PLCH2: variants seen among roughly 807,000 people sequenced by gnomAD.
The protein encoded by PLCH2 is phospholipase C eta 2.
PLCH2 carries 98 observed loss-of-function variants against 134.7 expected under a neutral mutation model. The ratio of observed to expected loss-of-function variants is 0.73; its 90% confidence interval spans 0.62 to 0.86. The LOEUF (loss-of-function observed/expected upper bound fraction) is 0.86, where lower values mean the gene tolerates loss of function less well. Ranked by LOEUF, PLCH2 falls within the 40% of genes least tolerant of loss-of-function variation. The probability of loss-of-function intolerance (pLI) is 0.00; values close to 1 mark genes in which losing one functional copy is unlikely to be tolerated. For missense variants in PLCH2, 1,994 were observed against 1,986.6 expected (o/e 1.00, Z -0.07); for synonymous variants, 974 against 827.5 (o/e 1.18, Z -3.04).
intron 4 of PLCH2, among the ~76,000 whole-genome samples, chr1:2,482,084 C>T (rs1642001259): frequency 6.6e-6 from 1 of 152,276 alleles, no homozygotes; most frequent in Admixed American, 6.5e-5. Flanking sequence ...GAGGCAGGCT[C>T]AGCCAAAGTG....
rs995188508 is a variant in PLCH2 at position 2,448,057 on chromosome 1, C to T, written c.115+17428C>T. Among the ~76,000 whole-genome samples the T allele has an allele frequency of 1.3e-5, 2 of 152,182 alleles. No individual in the cohort carries two copies. The highest frequency in any genetic ancestry group is 2.9e-5 in the Non-Finnish European group (2 of 68,020). On this transcript the variant is annotated intron_variant, in intron 2 of 3. Transcript: ENST00000609981. The surrounding 1 kb of genome is among the most constrained non-coding windows in gnomAD (Gnocchi z 4.0). ...CCCTGGCTGCTGTGGTCCTTTTTCC[C>T]TGGTCGTGGCCTCCAGGCAGCCAAA...
rs529297465 is a variant in PLCH2 at position 2,483,126 on chromosome 1, G to A, written c.646-1322G>A. ...GCTGTGGTGGATGCAGCACCTCCTCGACTTTTGGAGGTATTTCCTGCTTCT... is the reference window on the plus strand; with the variant it reads ...GCTGTGGTGGATGCAGCACCTCCTCAACTTTTGGAGGTATTTCCTGCTTCT... On this transcript the variant is annotated intron_variant, in intron 4 of 21. Transcript: ENST00000378486. Among the ~76,000 whole-genome samples the A allele has an allele frequency of 1.1e-4, 17 of 152,306 alleles. 1 individual carries two copies. The East Asian group carries it at 2.5e-3, about 23-fold the overall frequency.
At position 2,489,210 on chromosome 1, in the gene PLCH2, C is replaced by A; in HGVS notation, c.1239C>A (p.Tyr413Ter). 1 of 1,613,550 alleles carries A rather than the reference C, an allele frequency of 6.2e-7. No individual in the cohort carries two copies. The highest frequency in any genetic ancestry group is 8.5e-7 in the Non-Finnish European group (1 of 1,179,658). The change falls in exon 9 of 22, where the codon TAC (tyrosine) becomes TAA (stop). Residue 413 changes from tyrosine to a stop codon, truncating the protein, a stop_gained. Coordinates refer to ENST00000378486, the MANE Select transcript of PLCH2 (RefSeq NM_014638.4). LOFTEE classifies it high-confidence loss of function. Reference sequence around the variant, plus strand: ...TCTTTCTGCCTTGGGGCCACAGGTACCCAGTGATCCTGTCCATCGAAAACC... The same window carrying A: ...TCTTTCTGCCTTGGGGCCACAGGTAACCAGTGATCCTGTCCATCGAAAACC... ...INKYAFIKNE[Y>*]PVILSIENHC... is the part of the protein sequence containing the mutation.
At chr1:2,450,154 G>A (rs548818384) in intron 2 of PLCH2, among the ~76,000 whole-genome samples, 2 of 152,320 alleles carry the variant, frequency 1.3e-5, no homozygotes, top group Admixed American at 6.5e-5. Flanking sequence ...GGCTTCATCC[G>A]TTGCTGTCCC....
Position 2,502,164 on chromosome 1 carries a change from GCTCGCTGGAC to G in PLCH2, c.2715_2724del (p.Ser906ValfsTer137). Reference sequence around the variant, plus strand: ...CTCTTCCTCCGAGGCCCAAAGCCCGGCTCGCTGGACAGTCATGCTGCTGGGCGGCCCCCGG... The same window carrying G: ...CTCTTCCTCCGAGGCCCAAAGCCCGGAGTCATGCTGCTGGGCGGCCCCCGG... On this transcript the variant is annotated frameshift_variant, in exon 21 of 22. Transcript: ENST00000378486. LOFTEE classifies it high-confidence loss of function. 1 of 1,503,438 alleles carries G rather than the reference GCTCGCTGGAC, an allele frequency of 6.7e-7. No homozygotes were observed. Among genetic ancestry groups the G allele is most frequent in the Non-Finnish European group, 8.8e-7 (1 of 1,130,092 alleles). The allele number at this position is 1,503,438 out of a possible 1,614,324, so 93.1% of individuals were successfully genotyped here.
At chr1:2,452,107 G>C (rs1640264453) in intron 2 of PLCH2, among the ~76,000 whole-genome samples, 1 of 151,958 alleles carries the variant, frequency 6.6e-6, no homozygotes, top group South Asian at 2.1e-4. Context: ...CTTGCTGGTA[G>C]GGGCAGCGGG....
Position 2,499,128 on chromosome 1 carries a change from A to G in PLCH2, c.2479A>G (p.Met827Val), listed in dbSNP as rs368414249. 8.1e-6 allele frequency: 13 copies of G among 1,612,664 alleles called. No individual in the cohort carries two copies. In the African/African-American group the frequency reaches 1.5e-4, roughly 18 times the overall value. Reference sequence around the variant, plus strand: ...GGAGACCCTGGTTTTCATGGTGCACATGCCGGAGATCGCGCTGGTCCGCTT... The same window carrying G: ...GGAGACCCTGGTTTTCATGGTGCACGTGCCGGAGATCGCGCTGGTCCGCTT... ...WEETLVFMVH[M>V]PEIALVRFLV... is the part of the protein sequence containing the mutation. Residue 827 changes from methionine to valine, a missense_variant, in exon 19 of 22, where the codon ATG becomes GTG. By Grantham distance (21) the Met-to-Val change is conservative. Coordinates refer to ENST00000378486, the MANE Select transcript of PLCH2 (RefSeq NM_014638.4).
chr1:2,484,427 A>T (rs779923189), intron 4 of PLCH2, 21 bp from the exon 5 acceptor site: 1 of 1,612,102 alleles, frequency 6.2e-7, no homozygotes, highest in Non-Finnish European at 8.5e-7. Flanking sequence ...GCCAATGGGG[A>T]CCCAAGGCCT....
rs1157430507 is a variant in PLCH2, at chr1:2,503,942, C to A, written c.2980C>A (p.Gln994Lys). 2 of 1,322,972 alleles carry A rather than the reference C, an allele frequency of 1.5e-6. No homozygotes were observed. Among genetic ancestry groups the A allele is most frequent in the African/African-American group, 1.5e-5 (1 of 68,070 alleles). The allele number at this position is 1,322,972 out of a possible 1,614,324, so 82.0% of individuals were successfully genotyped here. ...SPRDTRPLSTQRPLPPLCSLE... is the reference protein window; with the variant it reads ...SPRDTRPLSTKRPLPPLCSLE... ...CACAGACACCCGCCCCCTCTCCACGCAGCGGCCACTCCCCCCACTGTGCAG... is the reference window on the plus strand; with the variant it reads ...CACAGACACCCGCCCCCTCTCCACGAAGCGGCCACTCCCCCCACTGTGCAG... Residue 994 changes from glutamine (Q) to lysine (K), a missense_variant, in exon 22 of 22, where the codon CAG becomes AAG. By Grantham distance (53) the Gln-to-Lys change is moderately conservative. This residue lies in a region of PLCH2 where 900 missense variants were observed against 752.3 expected (regional missense o/e 1.20). Transcript: ENST00000378486.
chr1:2,424,840 G>A (rs1458529033), upstream of PLCH2, among the ~76,000 whole-genome samples: 1 of 152,166 alleles, frequency 6.6e-6, no homozygotes, highest in Non-Finnish European at 1.5e-5. Context: ...AAAAAAATTA[G>A]CTGGGCATGG....
At chr1:2,489,427 C>T (rs557155741) in intron 9 of PLCH2, 49 bp downstream of exon 9, 1 of 1,582,518 alleles carries the variant, frequency 6.3e-7, no homozygotes, top group African/African-American at 1.3e-5. Context: ...GAGTCTCGGG[C>T]CTGCAGCAGT....
At position 2,454,034 on chromosome 1, in the gene PLCH2, G is replaced by T. The variant is rs1640369069; in HGVS notation, c.115+23405G>T. Among the ~76,000 whole-genome samples the T allele has an allele frequency of 3.9e-5, 6 of 152,108 alleles. 1 individual carries two copies. In the South Asian group the frequency reaches 1.0e-3, roughly 26 times the overall value. On this transcript the variant is annotated intron_variant, in intron 2 of 3. Coordinates refer to the PLCH2 transcript ENST00000609981. ...AGCCAAGGCTGGTAGTGGGGTTCCG[G>T]GGGTGCCGCAAGCCACCCCCACCCC...
At chr1:2,454,181 GCTC>G (rs1438332859) in intron 2 of PLCH2, among the ~76,000 whole-genome samples, 2 of 152,216 alleles carry the variant, frequency 1.3e-5, no homozygotes, top group Admixed American at 6.5e-5. Context: ...ACCTGGCTGA[GCTC>G]CTAGGGCAGG....
chr1:2,442,882 G>T (rs1452840960), intron 2 of PLCH2, among the ~76,000 whole-genome samples: 1 of 152,242 alleles, frequency 6.6e-6, no homozygotes, highest in Non-Finnish European at 1.5e-5. Flanking sequence ...GAGCTGGGCA[G>T]TCTCTCTTGA....
Position 2,491,373 on chromosome 1 carries a change from G to T in PLCH2, c.1659+38G>T, listed in dbSNP as rs1558017438. On this transcript the variant is annotated intron_variant, in intron 11 of 21. Coordinates refer to ENST00000378486, the MANE Select transcript of PLCH2 (RefSeq NM_014638.4). ...AAGGTGACACCCCTGATGCCGACAG[G>T]CCCCCCCGACAGCCAGCCTGTGGGC... The T allele has an allele frequency of 5.0e-6, 8 of 1,595,290 alleles. No homozygotes were observed. The South Asian group carries it at 9.0e-5, about 18-fold the overall frequency.
chr1:2,462,701 T>C (rs993147292), upstream of PLCH2, among the ~76,000 whole-genome samples: 3 of 152,096 alleles, frequency 2.0e-5, no homozygotes, highest in Admixed American at 6.5e-5. Flanking sequence ...TGGGGTGGTT[T>C]CACATGGGGC....
chr1:2,503,075 TG>T (rs1321577381), intron 21 of PLCH2: 1 of 703,784 alleles, frequency 1.4e-6, no homozygotes, highest in South Asian at 1.5e-5. Context: ...TTGGCTTGCC[TG>T]TGGCCCATAG....
chr1:2,470,350 C>T (rs1478333683), intron 1 of PLCH2, among the ~76,000 whole-genome samples: 2 of 152,224 alleles, frequency 1.3e-5, no homozygotes, highest in African/African-American at 2.4e-5. Flanking sequence ...GACAGGGCAG[C>T]CAGCCCAGCC....
rs1643420131 is a variant in PLCH2, at chr1:2,504,437, T to C, written c.3475T>C (p.Ser1159Pro). The change falls in exon 22 of 22, where the codon TCC (serine) becomes CCC (proline). Residue 1159 changes from serine to proline, a missense_variant. Ser to Pro is a moderately conservative substitution (Grantham distance 74, BLOSUM62 -1). Transcript: ENST00000378486. The part of the protein sequence containing the change: ...MSSSDTVIDL[S>P]LPSLGLGRSR... ...ATCCAGCGACACTGTCATTGACCTC[T>C]CCCTGCCCAGCCTGGGCCTGGGCCG... 3.7e-6 allele frequency: 6 copies of C among 1,612,124 alleles called. No homozygotes were observed. The highest frequency in any genetic ancestry group is 4.2e-6 in the Non-Finnish European group (5 of 1,179,740).
Sources: allele counts gnomAD v4.1 joint callset (sites outside exome capture counted in the v4.1 genomes callset), GRCh38; gene constraint gnomAD v4.1.1; regional missense constraint gnomAD v4.1.1; non-coding constraint Gnocchi (gnomAD v3.1); transcripts MANE v1.5; gene names NCBI Gene and HGNC (gene_info 2026-07-23, HGNC 2026-07-21).